DNAJA2: variants seen among roughly 807,000 people sequenced by gnomAD.
The protein encoded by DNAJA2 is DnaJ heat shock protein family (Hsp40) member A2, also known as dnaJ homolog subfamily A member 2.
In DNAJA2, 6 loss-of-function variants were observed where a neutral mutation model predicts 49.3. The ratio of observed to expected loss-of-function variants is 0.12; its 90% CI spans 0.07 to 0.24. DNAJA2 has a LOEUF of 0.24. DNAJA2 is among the 10% of genes least tolerant of loss of function. The pLI is 1.00. For synonymous variants in DNAJA2, 160 were observed against 172.7 expected (o/e 0.93, Z 0.58); for missense variants, 347 against 516.8 (o/e 0.67, Z 3.19).
intron 5 of DNAJA2, among the ~76,000 whole-genome samples, 172 bp from the exon 6 acceptor site, chr16:46,964,979 C>T (rs1053466811): frequency 2.0e-5 from 3 of 152,084 alleles, no homozygotes; most frequent in Admixed American, 1.3e-4. Flanking sequence ...CAGCATTTTG[C>T]GAGGTCAGGG....
At chr16:46,968,475 G>A (rs1391767033) in intron 3 of DNAJA2, among the ~76,000 whole-genome samples, 1 of 152,172 alleles carries the variant, frequency 6.6e-6, no homozygotes, top group Admixed American at 6.5e-5. Context: ...ACAACCTTCT[G>A]TTCTGAGGCA....
chr16:46,964,857 CTT>C (rs768211316), intron 5 of DNAJA2, 50 bp from the exon 6 acceptor site: 213 of 1,372,530 alleles, frequency 1.6e-4, no homozygotes, highest in Non-Finnish European at 6.0e-6. Flanking sequence ...ATACTGTACT[CTT>C]AATACCCTTA....
At chr16:46,962,136 G>A (rs1961904531) in intron 6 of DNAJA2, among the ~76,000 whole-genome samples, 1 of 152,148 alleles carries the variant, frequency 6.6e-6, no homozygotes, top group Non-Finnish European at 1.5e-5. Context: ...TTTCAGAGAT[G>A]AGTTACTTCC....
intron 6 of DNAJA2, among the ~76,000 whole-genome samples, chr16:46,959,762 C>G (rs1961868608): frequency 6.6e-6 from 1 of 152,176 alleles, no homozygotes; most frequent in African/African-American, 2.4e-5. Flanking sequence ...CCAGAGGGCT[C>G]CTACAGAACA....
chr16:46,959,685 G>C (rs1025780694), intron 6 of DNAJA2: 1 of 336,776 alleles, frequency 3.0e-6, no homozygotes, highest in African/African-American at 2.1e-5. Flanking sequence ...TCAAAACAGT[G>C]CCAGGTATAT....
intron 6 of DNAJA2, 128 bp downstream of exon 6, chr16:46,964,483 T>A: frequency 1.2e-6 from 1 of 838,284 alleles, no homozygotes; most frequent in South Asian, 1.9e-5. Flanking sequence ...GAACTCACCA[T>A]GATGCCCTTA....
chr16:46,964,326 C>T (rs771608483), intron 6 of DNAJA2, among the ~76,000 whole-genome samples: 15 of 152,160 alleles, frequency 9.9e-5, no homozygotes, highest in Non-Finnish European at 1.8e-4. Context: ...GAGCCGAGAT[C>T]GCACCATTGC....
intron 5 of DNAJA2, among the ~76,000 whole-genome samples, chr16:46,967,162 C>G (rs1961984150): frequency 1.3e-5 from 2 of 152,168 alleles, no homozygotes; most frequent in Admixed American, 1.3e-4. Context: ...TCACAGATCA[C>G]TGCTCCCTCG....
intron 4 of DNAJA2, 66 bp from the exon 5 acceptor site, chr16:46,967,712 C>G (rs1200989206): frequency 6.3e-6 from 10 of 1,598,982 alleles, no homozygotes; most frequent in Non-Finnish European, 5.1e-6. Flanking sequence ...CTATGACACA[C>G]AGAAATTGTG....
At chr16:46,971,046 AAAGAG>A (rs1225847686) in intron 3 of DNAJA2, among the ~76,000 whole-genome samples, 3 of 151,698 alleles carry the variant, frequency 2.0e-5, no homozygotes, top group African/African-American at 4.8e-5. Context: ...AAAAAAAAAA[AAAGAG>A]AGAGAGAGAA....
chr16:46,967,093 C>T (rs1250656144), intron 5 of DNAJA2, among the ~76,000 whole-genome samples: 1 of 152,020 alleles, frequency 6.6e-6, no homozygotes, highest in African/African-American at 2.4e-5. Context: ...ACACTTTTAT[C>T]TTTTATTTTT....
At chr16:46,962,766 T>C (rs1185349952) in intron 6 of DNAJA2, among the ~76,000 whole-genome samples, 1 of 152,188 alleles carries the variant, frequency 6.6e-6, no homozygotes, top group Admixed American at 6.5e-5. Context: ...ATCTGTAGGG[T>C]TGGCAATTTC....
At chr16:46,966,963 G>C (rs573321142) in intron 5 of DNAJA2, among the ~76,000 whole-genome samples, 2 of 152,248 alleles carry the variant, frequency 1.3e-5, no homozygotes, top group African/African-American at 4.8e-5. Flanking sequence ...ATAGCAAAGG[G>C]ACAAATAATC....
intron 1 of DNAJA2, among the ~76,000 whole-genome samples, chr16:46,973,279 G>C (rs1962083415): frequency 6.6e-6 from 1 of 151,546 alleles, no homozygotes; most frequent in East Asian, 1.9e-4. Flanking sequence ...TGCTGCATCT[G>C]CGGGCGGGCG....
At chr16:46,959,511 T>C in intron 6 of DNAJA2, 92 bp from the exon 7 acceptor site, 1 of 1,226,282 alleles carries the variant, frequency 8.2e-7, no homozygotes, top group Non-Finnish European at 1.2e-6. Context: ...TTCAAAACCT[T>C]ATTTCTACCA....
At chr16:46,972,191 A>T in intron 1 of DNAJA2, 1 of 476,230 alleles carries the variant, frequency 2.1e-6, no homozygotes, top group Non-Finnish European at 3.7e-6. Flanking sequence ...AAAACCAGAT[A>T]AAACAATGAA....
At chr16:46,959,523 T>A in intron 6 of DNAJA2, 104 bp from the exon 7 acceptor site, 1 of 1,085,380 alleles carries the variant, frequency 9.2e-7, no homozygotes, top group Non-Finnish European at 1.3e-6. Context: ...TTTCTACCAC[T>A]CACTGCAAAT....
chr16:46,970,686 G>A (rs1380073160), intron 3 of DNAJA2, among the ~76,000 whole-genome samples: 1 of 126,066 alleles, frequency 7.9e-6, no homozygotes, highest in Non-Finnish European at 1.6e-5. Flanking sequence ...AGTGAGCCTA[G>A]ATGGTGCCAC....
At chr16:46,961,607 A>C (rs1961896582) in intron 6 of DNAJA2, among the ~76,000 whole-genome samples, 1 of 151,704 alleles carries the variant, frequency 6.6e-6, no homozygotes, top group African/African-American at 2.4e-5. Context: ...AAAAGGGAAC[A>C]GGAAGAGATA....
Sources: gnomAD v4.1 joint callset for allele counts (sites outside exome capture counted in the v4.1 genomes callset) on GRCh38, gnomAD v4.1.1 for gene constraint, MANE v1.5 for transcripts, NCBI Gene and HGNC (gene_info 2026-07-23, HGNC 2026-07-21) for gene names.